Variants in JARID2 observed in about 807,000 individuals in gnomAD.
JARID2 encodes the protein jumonji and AT-rich interaction domain containing 2, also known as protein Jumonji.
Under a neutral mutation model 125.6 loss-of-function variants are expected in JARID2, and 21 were observed. That is an observed-to-expected ratio of 0.17 (90% confidence interval 0.12 to 0.24). The LOEUF is 0.24. JARID2 is among the 10% of genes least tolerant of loss of function. The pLI, the probability that JARID2 is intolerant of heterozygous loss-of-function variation, is 1.00. For synonymous variants in JARID2, 736 were observed against 661.6 expected (o/e 1.11, Z -1.73); for missense variants, 1,303 against 1,639.6 (o/e 0.79, Z 3.55).
intron 1 of JARID2, among the ~76,000 whole-genome samples, chr6:15,279,488 G>A (rs1760669738): frequency 6.6e-6 from 1 of 152,134 alleles, no homozygotes; most frequent in Admixed American, 6.6e-5. Flanking sequence ...CTGGCCTCTG[G>A]GGTCGTGGAA....
intron 6 of JARID2, among the ~76,000 whole-genome samples, chr6:15,489,220 A>G (rs1232523420): frequency 1.3e-5 from 2 of 152,046 alleles, no homozygotes; most frequent in South Asian, 2.1e-4. Flanking sequence ...TCATCCCACT[A>G]TGCTTTTTTG....
intron 16 of JARID2, among the ~76,000 whole-genome samples, chr6:15,516,564 G>A (rs1561921147): frequency 6.6e-6 from 1 of 152,230 alleles, no homozygotes; most frequent in African/African-American, 2.4e-5. Flanking sequence ...GCGTCACAGC[G>A]GTCAGGAATC....
At chr6:15,435,792 G>A (rs1581561138) in intron 3 of JARID2, among the ~76,000 whole-genome samples, 1 of 151,440 alleles carries the variant, frequency 6.6e-6, no homozygotes, top group East Asian at 1.9e-4. Flanking sequence ...TTGGCACATT[G>A]GAGTTTCAGT....
At chr6:15,459,406 T>G (rs1768340687) in intron 4 of JARID2, among the ~76,000 whole-genome samples, 1 of 152,212 alleles carries the variant, frequency 6.6e-6, no homozygotes. Flanking sequence ...GATAATATTG[T>G]TTAGAGAATA....
intron 3 of JARID2, among the ~76,000 whole-genome samples, chr6:15,422,778 C>G (rs1222685305): frequency 6.6e-6 from 1 of 152,122 alleles, no homozygotes; most frequent in Non-Finnish European, 1.5e-5. Context: ...CCCGCTCCCC[C>G]TCCCTCTCTC....
At chr6:15,385,491 T>A (rs1009971935) in intron 2 of JARID2, among the ~76,000 whole-genome samples, 10 of 150,906 alleles carry the variant, frequency 6.6e-5, no homozygotes, top group South Asian at 4.1e-4. Context: ...ATAGATTTTT[T>A]AATAGATTTT....
chr6:15,375,675 G>C (rs1019139245), intron 2 of JARID2, among the ~76,000 whole-genome samples: 3 of 152,194 alleles, frequency 2.0e-5, no homozygotes, highest in African/African-American at 7.2e-5. Flanking sequence ...ATGTGATATA[G>C]ATCGTGTTTA....
intron 4 of JARID2, among the ~76,000 whole-genome samples, chr6:15,459,886 GTGC>G (rs1235910091): frequency 6.6e-6 from 1 of 152,202 alleles, no homozygotes; most frequent in Non-Finnish European, 1.5e-5. Context: ...GAACACTATG[GTGC>G]TAATAATGAG....
chr6:15,282,866 G>T (rs1019243948), intron 1 of JARID2, among the ~76,000 whole-genome samples: 7 of 152,218 alleles, frequency 4.6e-5, no homozygotes, highest in Non-Finnish European at 1.0e-4. Context: ...CTCCCAAAGT[G>T]CTGGGATTAC....
chr6:15,350,469 G>T (rs1763384690), intron 1 of JARID2, among the ~76,000 whole-genome samples: 1 of 152,134 alleles, frequency 6.6e-6, no homozygotes, highest in African/African-American at 2.4e-5. Context: ...TCTATAGCTA[G>T]TGGGAAGAAC....
At chr6:15,386,246 C>T (rs915666679) in intron 2 of JARID2, among the ~76,000 whole-genome samples, 2 of 150,804 alleles carry the variant, frequency 1.3e-5, no homozygotes, top group African/African-American at 4.9e-5. Flanking sequence ...CCCCACCCCT[C>T]TCCCTCTCCC....
chr6:15,347,173 ATT>A (rs1944399018), intron 1 of JARID2, among the ~76,000 whole-genome samples: 1 of 152,234 alleles, frequency 6.6e-6, no homozygotes, highest in Admixed American at 6.5e-5. Flanking sequence ...GCTACTATAT[ATT>A]TAAGTAGTTG....
At chr6:15,508,633 G>A (rs1348439768) in intron 12 of JARID2, among the ~76,000 whole-genome samples, 179 bp downstream of exon 12, 1 of 152,234 alleles carries the variant, frequency 6.6e-6, no homozygotes, top group Non-Finnish European at 1.5e-5. Flanking sequence ...ACCTACCTCT[G>A]TTGGAAGAGT....
intron 1 of JARID2, among the ~76,000 whole-genome samples, chr6:15,319,393 G>T (rs538395482): frequency 9.2e-5 from 14 of 151,972 alleles, no homozygotes; most frequent in Admixed American, 2.6e-4. Context: ...TTTCTGTGTT[G>T]CTTTTTTCTT....
chr6:15,381,301 A>G (rs1009476617), intron 2 of JARID2, among the ~76,000 whole-genome samples: 51 of 147,018 alleles, frequency 3.5e-4, no homozygotes, highest in Non-Finnish European at 1.5e-5. Flanking sequence ...AGATCGTGCC[A>G]CTGCAATCCA....
At chr6:15,328,109 A>AG (rs2127451360) in intron 1 of JARID2, among the ~76,000 whole-genome samples, 1 of 152,194 alleles carries the variant, frequency 6.6e-6, no homozygotes, top group South Asian at 2.1e-4. Context: ...TCTGTGTGAG[A>AG]GTTCATGAAG....
Position 15,521,740 on chromosome 6 carries a change from GGTT to G in JARID2, c.*1497_*1499del, listed in dbSNP as rs1771865718. Reference sequence around the variant, plus strand: ...GGAACGTCCTATGATCCACTTTGTTGGTTGTTGTTGCAGAAGACTGAACTGTTT... The same window carrying G: ...GGAACGTCCTATGATCCACTTTGTTGGTTGTTGCAGAAGACTGAACTGTTT... On this transcript the variant is annotated 3_prime_UTR_variant, in exon 18 of 18. Transcript: ENST00000341776. 2.0e-5 allele frequency: 3 copies of G among 152,184 alleles called. No homozygotes were observed. Among genetic ancestry groups the G allele is most frequent in the South Asian group, 2.1e-4 (1 of 4,822 alleles). 9.4% of individuals were successfully genotyped at this position (152,184 alleles called of 1,614,324 possible).
At chr6:15,261,855 C>T (rs1184698508) in intron 1 of JARID2, among the ~76,000 whole-genome samples, 1 of 147,072 alleles carries the variant, frequency 6.8e-6, no homozygotes, top group Non-Finnish European at 1.5e-5. Context: ...GCAATCTTGG[C>T]TCACCACGAC....
intron 1 of JARID2, among the ~76,000 whole-genome samples, chr6:15,265,541 A>C (rs1437395541): frequency 6.6e-6 from 1 of 152,070 alleles, no homozygotes; most frequent in Non-Finnish European, 1.5e-5. Context: ...TATTTTGTGA[A>C]GTGATACTGC....
Sources: allele counts gnomAD v4.1 joint callset (sites outside exome capture counted in the v4.1 genomes callset), GRCh38; gene constraint gnomAD v4.1.1; transcripts MANE v1.5; gene names NCBI Gene and HGNC (gene_info 2026-07-23, HGNC 2026-07-21).